The following NDUFA9 variants were observed in gnomAD, a reference collection of about 807,000 sequenced individuals.
NDUFA9 encodes NADH dehydrogenase [ubiquinone] 1 alpha subcomplex subunit 9, mitochondrial.
A neutral mutation model predicts 45.9 loss-of-function variants in NDUFA9; 23 were observed. That is an observed-to-expected ratio of 0.50 (90% CI 0.36 to 0.71). The LOEUF (loss-of-function observed/expected upper bound fraction) is 0.71, where lower values mean the gene tolerates loss of function less well. NDUFA9 is among the 30% of genes least tolerant of loss of function. The pLI is 0.00. For missense variants in NDUFA9, 466 were observed against 488.2 expected (o/e 0.95, Z 0.43); for synonymous variants, 176 against 170.5 (o/e 1.03, Z -0.25).
At chr12:4,662,749 A>G (rs1451732127) in intron 6 of NDUFA9, 114 bp downstream of exon 6, 1 of 795,576 alleles carries the variant, frequency 1.3e-6, no homozygotes, top group Non-Finnish European at 2.0e-6. Context: ...TTTCTTTCCC[A>G]GTTGCCTTTT....
Position 4,667,880 on chromosome 12 carries a change from C to T in NDUFA9, c.656-577C>T, listed in dbSNP as rs1166935656. ...AACAAAACAAAAAAAACTTTTTTAA[C>T]CTAACATTTAAACTACTTGGGATTT... On this transcript the variant is annotated intron_variant, in intron 6 of 10. Transcript: ENST00000266544. 2.0e-5 allele frequency among the ~76,000 whole-genome samples: 3 copies of T among 152,058 alleles called. No individual in the cohort carries two copies. In the East Asian group the frequency reaches 5.8e-4, roughly 29 times the overall value.
intron 10 of NDUFA9, among the ~76,000 whole-genome samples, chr12:4,686,078 G>A (rs1461340935): frequency 6.6e-6 from 1 of 152,206 alleles, no homozygotes; most frequent in Non-Finnish European, 1.5e-5. Flanking sequence ...AGGCAGGATC[G>A]CTGGTTGTCA....
rs1482912896 is a variant in NDUFA9 at position 4,688,470 on chromosome 12, T to A, written c.*1362T>A. 4 of 115,920 alleles carry A rather than the reference T, an allele frequency of 3.5e-5. No individual in the cohort carries two copies. The allele number at this position is 115,920 out of a possible 1,614,324, so 7.2% of individuals were successfully genotyped here. On this transcript the variant is annotated 3_prime_UTR_variant, in exon 11 of 11. Coordinates refer to ENST00000266544, the MANE Select transcript of NDUFA9 (RefSeq NM_005002.5). Reference sequence around the variant, plus strand: ...ACTGCACTTCAGCTTGGACTGAAGATCCTGTCTCAGAAAAAAAAAAAAAAA... The same window carrying A: ...ACTGCACTTCAGCTTGGACTGAAGAACCTGTCTCAGAAAAAAAAAAAAAAA...
rs1382435758 is a variant in NDUFA9, at chr12:4,654,363, A to G, written c.121A>G (p.Met41Val). The G allele has an allele frequency of 6.2e-7, 1 of 1,613,996 alleles. No homozygotes were observed. The highest frequency in any genetic ancestry group is 8.5e-7 in the Non-Finnish European group (1 of 1,180,010). The change falls in exon 2 of 11, where the codon ATG becomes GTG. Residue 41 changes from methionine to valine, a missense_variant. By Grantham distance (21) the Met-to-Val change is conservative. Transcript: ENST00000266544. Reference sequence around the variant, plus strand: ...CTGTCGCCAGCTTCATCATGCCCTCATGCCTCATGGGAAAGGTGGACGTTC... The same window carrying G: ...CTGTCGCCAGCTTCATCATGCCCTCGTGCCTCATGGGAAAGGTGGACGTTC... The part of the protein sequence containing the change: ...PPCRQLHHAL[M>V]PHGKGGRSSV...
intron 9 of NDUFA9, among the ~76,000 whole-genome samples, chr12:4,683,221 GA>G (rs1180205773): frequency 1.3e-5 from 2 of 151,458 alleles, no homozygotes; most frequent in African/African-American, 2.4e-5. Flanking sequence ...CTACTGCCCT[GA>G]GGTAACTGTT....
At chr12:4,660,445 C>A (rs1034280269) in intron 5 of NDUFA9, among the ~76,000 whole-genome samples, 2 of 152,048 alleles carry the variant, frequency 1.3e-5, no homozygotes, top group African/African-American at 4.8e-5. Context: ...GGTTTCTGAT[C>A]CTGGAGGTCA....
At chr12:4,649,739 G>GT (rs1197442568) in intron 1 of NDUFA9, among the ~76,000 whole-genome samples, 1 of 152,192 alleles carries the variant, frequency 6.6e-6, no homozygotes, top group East Asian at 1.9e-4. Flanking sequence ...GGCAAAGTGC[G>GT]TTGGGGTCTG....
chr12:4,662,989 A>AC (rs1945832394), intron 6 of NDUFA9, among the ~76,000 whole-genome samples: 1 of 151,836 alleles, frequency 6.6e-6, no homozygotes, highest in East Asian at 1.9e-4. Flanking sequence ...CCTCCTACCC[A>AC]CCCCTAACCC....
rs1243843449 is a variant in NDUFA9, at chr12:4,685,295, G to A, written c.933G>A (p.Glu311=). 1 of 1,614,088 alleles carries A rather than the reference G, an allele frequency of 6.2e-7. No homozygotes were observed. The highest frequency in any genetic ancestry group is 2.2e-5 in the East Asian group (1 of 44,884). ...GAGTCTTTGAAATAAGCCCATTTGA[G>A]CCCTGGATAACAAGGGATAAAGTGG... is the stretch of plus-strand genomic sequence containing the variant. ...VARVFEISPF[E]PWITRDKVER... The change falls in exon 10 of 11, where the codon GAG becomes GAA. Residue 311 remains glutamate, a synonymous_variant. Coordinates refer to ENST00000266544, the MANE Select transcript of NDUFA9 (RefSeq NM_005002.5).
At chr12:4,664,900 C>T (rs775009649) in intron 6 of NDUFA9, among the ~76,000 whole-genome samples, 4 of 152,086 alleles carry the variant, frequency 2.6e-5, no homozygotes, top group Non-Finnish European at 4.4e-5. Context: ...GAGTTGTTAC[C>T]CTTTCTTTCT....
intron 8 of NDUFA9, among the ~76,000 whole-genome samples, chr12:4,672,002 A>G (rs995928583): frequency 6.6e-6 from 1 of 152,216 alleles, no homozygotes; most frequent in Non-Finnish European, 1.5e-5. Flanking sequence ...CAAGATTGAC[A>G]CAGAAGGCGA....
Position 4,657,983 on chromosome 12 carries a change from C to T in NDUFA9, c.410+144C>T, listed in dbSNP as rs540495429. ...GTTGGTTGAACAACCACTTGCATAC[C>T]CAGTGACACCCCTGAGGAGATGTAG... On this transcript the variant is annotated intron_variant, in intron 4 of 10. Transcript: ENST00000266544. The T allele has an allele frequency of 1.6e-3, 1,062 of 674,554 alleles. 18 individuals are homozygous for T. In the South Asian group the frequency reaches 0.017, roughly 11 times the overall value. The allele number at this position is 674,554 out of a possible 1,614,324, so 41.8% of individuals were successfully genotyped here. A position where few individuals can be genotyped will look rare whatever the true frequency, so the allele number is the denominator to read the frequency against.
At chr12:4,671,335 CAATA>C (rs1945885881) in intron 8 of NDUFA9, among the ~76,000 whole-genome samples, 3 of 151,736 alleles carry the variant, frequency 2.0e-5, no homozygotes, top group African/African-American at 7.3e-5. Flanking sequence ...ATAGAAAAAT[CAATA>C]TATACTAGTA....
intron 1 of NDUFA9, chr12:4,653,630 C>T (rs781736757): frequency 8.6e-5 from 39 of 452,974 alleles, no homozygotes; most frequent in Non-Finnish European, 1.5e-4. Context: ...TTTTCTCAAG[C>T]ACTTCACTCC....
At chr12:4,669,480 A>G (rs1017069394) in intron 7 of NDUFA9, among the ~76,000 whole-genome samples, 2 of 152,194 alleles carry the variant, frequency 1.3e-5, no homozygotes, top group African/African-American at 4.8e-5. Flanking sequence ...TGAGCCTTGG[A>G]TTATGCGTAC....
Position 4,688,768 on chromosome 12 carries a change from T to A in NDUFA9, c.*1660T>A, listed in dbSNP as rs1946002606. The A allele has an allele frequency of 6.6e-6, 1 of 152,268 alleles. No individual in the cohort carries two copies. Among genetic ancestry groups the A allele is most frequent in the Middle Eastern group, 3.4e-3 (1 of 294 alleles). The allele number at this position is 152,268 out of a possible 1,614,324, so 9.4% of individuals were successfully genotyped here. A position where few individuals can be genotyped will look rare whatever the true frequency, so the allele number is the denominator to read the frequency against. On this transcript the variant is annotated 3_prime_UTR_variant, in exon 11 of 11. Coordinates refer to ENST00000266544, the MANE Select transcript of NDUFA9 (RefSeq NM_005002.5). The stretch of plus-strand genomic sequence containing the variant: ...TCTCCTGTACACTAGTATGTCAGAA[T>A]CAGCGTACTAGGGAAAGGAACACAA...
rs1054905041 is a variant in NDUFA9 at position 4,681,141 on chromosome 12, T to TA, written c.801-1054dup. The stretch of plus-strand genomic sequence containing the variant: ...ATACGTCACAGAAGGAACTTTATAG[T>TA]AAAAAAAAAATCTTTTTTATAAGGT... On this transcript the variant is annotated intron_variant, in intron 8 of 10. Transcript: ENST00000266544. Among the ~76,000 whole-genome samples, 341 of 149,742 alleles carry TA rather than the reference T, an allele frequency of 2.3e-3. 2 individuals carry two copies. Among genetic ancestry groups the TA allele is most frequent in the Admixed American group, 4.1e-3 (62 of 14,984 alleles).
At chr12:4,669,861 A>ATTCCTTCATTAT in intron 8 of NDUFA9, 44 bp downstream of exon 8, 1 of 1,382,298 alleles carries the variant, frequency 7.2e-7, no homozygotes, top group Non-Finnish European at 1.0e-6. Flanking sequence ...TATTATAATG[A>ATTCCTTCATTAT]AGGAATCAAT....
At position 4,668,450 on chromosome 12, in the gene NDUFA9, C is replaced by T. The variant is rs1945865998; in HGVS notation, c.656-7C>T. The T allele has an allele frequency of 6.2e-7, 1 of 1,611,556 alleles. No homozygotes were observed. Among genetic ancestry groups the T allele is most frequent in the South Asian group, 1.1e-5 (1 of 91,012 alleles). The stretch of plus-strand genomic sequence containing the variant: ...CTCAGTATAGTTCTCATTCTTTCTT[C>T]CGCTAGGTATGCATCGGTTTGGTCC... On this transcript the variant is annotated splice_polypyrimidine_tract_variant and splice_region_variant and intron_variant, in intron 6 of 10. Transcript: ENST00000266544.
Sources: gnomAD v4.1 joint callset for allele counts (sites outside exome capture counted in the v4.1 genomes callset) on GRCh38, gnomAD v4.1.1 for gene constraint, MANE v1.5 for transcripts, NCBI Gene and HGNC (gene_info 2026-07-23, HGNC 2026-07-21) for gene names.